Variants in FMN2 observed in about 807,000 individuals in gnomAD.
FMN2 encodes formin 2.
FMN2 carries 51 observed loss-of-function variants against 142.3 expected under a neutral mutation model. The ratio of observed to expected loss-of-function variants is 0.36; its 90% CI spans 0.29 to 0.45. FMN2 has a LOEUF of 0.45. Ranked by LOEUF, FMN2 falls within the 20% of genes least tolerant of loss-of-function variation. FMN2 has a pLI of 1.00. For synonymous variants in FMN2, 882 were observed against 869.8 expected (o/e 1.01, Z -0.25); for missense variants, 1,936 against 2,122.8 (o/e 0.91, Z 1.73).
At chr1:240,239,144 A>G (rs541503368) in intron 6 of FMN2, among the ~76,000 whole-genome samples, 1 of 152,322 alleles carries the variant, frequency 6.6e-6, no homozygotes, top group Admixed American at 6.5e-5. Flanking sequence ...AAATTTCTTA[A>G]TAGTGGCCAC....
rs1331023687 is a variant in FMN2 at position 240,354,334 on chromosome 1, GA to G, written c.4766-1481del. The stretch of plus-strand genomic sequence containing the variant: ...AAACAACAGGATGTTGGAATAAAGA[GA>G]GGGGGTTGAGAATAAGTCTCCTGTT... On this transcript the variant is annotated intron_variant, in intron 13 of 17. Coordinates refer to ENST00000319653, the MANE Select transcript of FMN2 (RefSeq NM_020066.5). Among the ~76,000 whole-genome samples the G allele has an allele frequency of 6.6e-5, 10 of 152,288 alleles. No individual in the cohort carries two copies. The South Asian group carries it at 1.0e-3, about 16-fold the overall frequency.
intron 6 of FMN2, among the ~76,000 whole-genome samples, chr1:240,225,967 G>T (rs1667283313): frequency 1.3e-5 from 2 of 152,000 alleles, no homozygotes; most frequent in Admixed American, 6.6e-5. Flanking sequence ...ATAATCAGCA[G>T]ACTTGAACAT....
chr1:240,433,558 T>C (rs1027750157), intron 15 of FMN2, among the ~76,000 whole-genome samples: 1 of 152,250 alleles, frequency 6.6e-6, no homozygotes. Context: ...GAGTTTTCTC[T>C]TGGGTCAGTA....
chr1:240,371,704 T>G (rs1672871920), intron 14 of FMN2, among the ~76,000 whole-genome samples: 1 of 152,216 alleles, frequency 6.6e-6, no homozygotes, highest in African/African-American at 2.4e-5. Context: ...TCTGCCAGTT[T>G]ATTAATTTTC....
intron 14 of FMN2, among the ~76,000 whole-genome samples, chr1:240,383,644 G>T (rs536265506): frequency 6.6e-6 from 1 of 152,162 alleles, no homozygotes; most frequent in South Asian, 2.1e-4. Context: ...CTGTTGGTAG[G>T]TATATTAGTA....
At chr1:240,187,316 A>C (rs1325033194) in intron 3 of FMN2, among the ~76,000 whole-genome samples, 1 of 151,512 alleles carries the variant, frequency 6.6e-6, no homozygotes, top group Non-Finnish European at 1.5e-5. Flanking sequence ...AAAACCAAAA[A>C]CAGTGACTGC....
At chr1:240,174,341 A>G (rs925165147) in intron 2 of FMN2, among the ~76,000 whole-genome samples, 2 of 152,036 alleles carry the variant, frequency 1.3e-5, no homozygotes, top group East Asian at 1.9e-4. Context: ...AGGGCATTAC[A>G]TTTCAGAAAC....
At chr1:240,179,827 A>G (rs924985444) in intron 3 of FMN2, among the ~76,000 whole-genome samples, 2 of 152,206 alleles carry the variant, frequency 1.3e-5, no homozygotes, top group Non-Finnish European at 2.9e-5. Flanking sequence ...CATGTTTTGC[A>G]TCATTGATTG....
rs537131603 is a variant in FMN2, at chr1:240,363,842, C to T, written c.4858+7934C>T. ...CCTCTGCCCCCCAGCCTGCTTCCTG[C>T]CTGATGGCTCAGGTGTCCCCATGCT... On this transcript the variant is annotated intron_variant, in intron 14 of 17. Coordinates refer to ENST00000319653, the MANE Select transcript of FMN2 (RefSeq NM_020066.5). Among the ~76,000 whole-genome samples, 9 of 152,200 alleles carry T rather than the reference C, an allele frequency of 5.9e-5. No individual in the cohort carries two copies. In the East Asian group the frequency reaches 1.6e-3, roughly 26 times the overall value.
At chr1:240,357,719 T>C (rs186625156) in intron 14 of FMN2, among the ~76,000 whole-genome samples, 49 of 151,886 alleles carry the variant, frequency 3.2e-4, no homozygotes, top group African/African-American at 1.1e-3. Context: ...GTGATTCTCC[T>C]GCCTCAGCCT....
At chr1:240,380,056 A>C (rs1293112866) in intron 14 of FMN2, among the ~76,000 whole-genome samples, 1 of 152,102 alleles carries the variant, frequency 6.6e-6, no homozygotes, top group African/African-American at 2.4e-5. Flanking sequence ...TCAATACACC[A>C]TTGGCAACAT....
intron 2 of FMN2, chr1:240,170,821 C>T (rs746537228): frequency 1.0e-4 from 90 of 859,366 alleles, no homozygotes; most frequent in South Asian, 1.9e-4. Context: ...TGGTGCATCC[C>T]GGATCATTGG....
intron 7 of FMN2, among the ~76,000 whole-genome samples, chr1:240,279,928 G>A (rs1475720334): frequency 1.3e-5 from 2 of 152,002 alleles, no homozygotes; most frequent in African/African-American, 2.4e-5. Flanking sequence ...CCAAAGGGAG[G>A]GTGATAAATA....
rs772681705 is a variant in FMN2, at chr1:240,207,309, A to G, written c.2497A>G (p.Ile833Val). The G allele has an allele frequency of 6.2e-7, 1 of 1,613,574 alleles. No homozygotes were observed. The highest frequency in any genetic ancestry group is 1.7e-5 in the Admixed American group (1 of 59,958). The change falls in exon 5 of 18, where the codon ATT becomes GTT. Residue 833 changes from isoleucine to valine, a missense_variant. Ile to Val is a conservative substitution (Grantham distance 29, BLOSUM62 3). This residue lies in a region of FMN2 where 478 missense variants were observed against 462.8 expected (regional missense o/e 1.03). Transcript: ENST00000319653. ...GCCTGGGTCACAGCCGCCCCATTCT[A>G]TTTCTACCGAGTTTCAAACCAGCCA... is the stretch of plus-strand genomic sequence containing the variant. ...GQPGSQPPHS[I>V]STEFQTSHEH...
At chr1:240,367,160 A>G (rs1039344098) in intron 14 of FMN2, among the ~76,000 whole-genome samples, 1 of 152,126 alleles carries the variant, frequency 6.6e-6, no homozygotes, top group South Asian at 2.1e-4. Flanking sequence ...TGAGGTTTTC[A>G]CTTGCATTTT....
chr1:240,143,121 T>C (rs1380858251), intron 2 of FMN2: 1 of 1,555,324 alleles, frequency 6.4e-7, no homozygotes, highest in Non-Finnish European at 8.9e-7. Flanking sequence ...CATGAAGAGG[T>C]CGTTGGGGTC....
chr1:240,336,582 A>AAAG (rs144682452), intron 13 of FMN2, among the ~76,000 whole-genome samples: 1,607 of 101,726 alleles, frequency 0.016, 363 homozygotes, highest in East Asian at 0.037. Context: ...AAAAAAAAAA[A>AAAG]GGTGGTTGCA....
chr1:240,350,523 C>A (rs1212437803), intron 13 of FMN2, among the ~76,000 whole-genome samples: 1 of 152,160 alleles, frequency 6.6e-6, no homozygotes, highest in Admixed American at 6.6e-5. Context: ...CAAATACATT[C>A]AATGAAATAA....
chr1:240,280,855 G>A (rs551135131), intron 7 of FMN2, among the ~76,000 whole-genome samples: 9 of 151,900 alleles, frequency 5.9e-5, no homozygotes, highest in South Asian at 4.2e-4. Context: ...GATAAGCGCC[G>A]AGTCGTACCC....
Sources: gnomAD v4.1 joint callset for allele counts (sites outside exome capture counted in the v4.1 genomes callset) on GRCh38, gnomAD v4.1.1 for gene constraint, gnomAD v4.1.1 regional missense constraint, MANE v1.5 for transcripts, NCBI Gene and HGNC (gene_info 2026-07-23, HGNC 2026-07-21) for gene names.